NT5E: variants seen among roughly 807,000 people sequenced by gnomAD.
NT5E encodes 5'-nucleotidase ecto.
NT5E carries 53 observed loss-of-function variants against 55.1 expected under a neutral mutation model. The ratio of observed to expected loss-of-function variants is 0.96; its 90% CI spans 0.77 to 1.21. The LOEUF (loss-of-function observed/expected upper bound fraction) is 1.21, where lower values mean the gene tolerates loss of function less well. Among genes scored for constraint, NT5E ranks in the 50% most tolerant of loss-of-function variants. The probability of loss-of-function intolerance (pLI) is 0.00; values close to 1 mark genes in which losing one functional copy is unlikely to be tolerated. For missense variants in NT5E, 683 were observed against 724.3 expected (o/e 0.94, Z 0.65); for synonymous variants, 270 against 278.4 (o/e 0.97, Z 0.30).
intron 1 of NT5E, among the ~76,000 whole-genome samples, chr6:85,458,310 C>A (rs1769026433): frequency 6.6e-6 from 1 of 152,206 alleles, no homozygotes; most frequent in Non-Finnish European, 1.5e-5. Flanking sequence ...TGTGGATCCC[C>A]AACCTCAGAG....
At chr6:85,460,638 C>A (rs1349765453) in intron 1 of NT5E, among the ~76,000 whole-genome samples, 3 of 152,090 alleles carry the variant, frequency 2.0e-5, no homozygotes, top group Non-Finnish European at 2.9e-5. Flanking sequence ...CATGTGCCAA[C>A]TTCTATGTTT....
At chr6:85,484,573 G>C (rs1267155664) in intron 3 of NT5E, among the ~76,000 whole-genome samples, 1 of 152,136 alleles carries the variant, frequency 6.6e-6, no homozygotes, top group African/African-American at 2.4e-5. Context: ...GGTGAATGTG[G>C]CTCTTCTAAA....
chr6:85,473,505 T>C (rs1006996168), intron 3 of NT5E, among the ~76,000 whole-genome samples: 3 of 152,164 alleles, frequency 2.0e-5, no homozygotes, highest in African/African-American at 4.8e-5. Context: ...TCCTCCCCCT[T>C]CTTCCTTTAG....
At chr6:85,456,238 C>A (rs1768988827) in intron 1 of NT5E, among the ~76,000 whole-genome samples, 1 of 152,206 alleles carries the variant, frequency 6.6e-6, no homozygotes, top group African/African-American at 2.4e-5. Context: ...AAGCTTTGCC[C>A]ATCCACTCCC....
intron 3 of NT5E, among the ~76,000 whole-genome samples, chr6:85,480,335 T>C (rs942346836): frequency 6.6e-6 from 1 of 152,226 alleles, no homozygotes; most frequent in Non-Finnish European, 1.5e-5. Flanking sequence ...AATTGAAGCA[T>C]GTGCAGAGTG....
chr6:85,475,808 G>T (rs751556459), intron 3 of NT5E, among the ~76,000 whole-genome samples: 1 of 152,074 alleles, frequency 6.6e-6, no homozygotes, highest in Admixed American at 6.5e-5. Flanking sequence ...TTCTATAGCC[G>T]CAAGTTAAAG....
chr6:85,484,244 C>G (rs1253188449), intron 3 of NT5E, among the ~76,000 whole-genome samples: 1 of 152,158 alleles, frequency 6.6e-6, no homozygotes, highest in African/African-American at 2.4e-5. Context: ...ATGAATCTGT[C>G]CCATAGTCTC....
intron 2 of NT5E, among the ~76,000 whole-genome samples, chr6:85,467,939 T>C (rs1040555880): frequency 6.6e-5 from 10 of 151,884 alleles, no homozygotes; most frequent in Non-Finnish European, 1.3e-4. Context: ...CACACACATA[T>C]ATAATCTTAA....
chr6:85,464,980 T>G (rs2127756101), intron 1 of NT5E, among the ~76,000 whole-genome samples: 1 of 152,174 alleles, frequency 6.6e-6, no homozygotes, highest in East Asian at 1.9e-4. Flanking sequence ...TTTGAGACAT[T>G]GGGAGGAAAT....
chr6:85,490,444 T>G, intron 6 of NT5E, 64 bp from the exon 7 acceptor site: 1 of 1,588,286 alleles, frequency 6.3e-7, no homozygotes, highest in Non-Finnish European at 8.6e-7. Context: ...TGAGGGAAAC[T>G]GGTCATGGTG....
At position 85,494,062 on chromosome 6, in the gene NT5E, A is replaced by G; in HGVS notation, c.*58A>G. 6.4e-7 allele frequency: 1 copy of G among 1,571,882 alleles called. No individual in the cohort carries two copies. Among genetic ancestry groups the G allele is most frequent in the Non-Finnish European group, 8.7e-7 (1 of 1,144,974 alleles). Reference sequence around the variant, plus strand: ...CTGCATTTTTTCAAGTGAGATTCAAATCTGCCTTTTAGGACCTGGCTTTGT... The same window carrying G: ...CTGCATTTTTTCAAGTGAGATTCAAGTCTGCCTTTTAGGACCTGGCTTTGT... On this transcript the variant is annotated 3_prime_UTR_variant, in exon 9 of 9. Coordinates refer to ENST00000257770, the MANE Select transcript of NT5E (RefSeq NM_002526.4).
chr6:85,489,989 T>C (rs1218476738), intron 6 of NT5E, among the ~76,000 whole-genome samples: 1 of 152,220 alleles, frequency 6.6e-6, no homozygotes, highest in Non-Finnish European at 1.5e-5. Context: ...GACATACCAC[T>C]GGATTAAAAT....
intron 2 of NT5E, 83 bp downstream of exon 2, chr6:85,467,365 TA>T: frequency 8.7e-7 from 1 of 1,146,516 alleles, no homozygotes; most frequent in South Asian, 1.3e-5. Context: ...GGACTGTAGA[TA>T]AAAGTAGGAA....
intron 1 of NT5E, among the ~76,000 whole-genome samples, chr6:85,465,795 A>T (rs1769181192): frequency 6.6e-6 from 1 of 152,148 alleles, no homozygotes; most frequent in Non-Finnish European, 1.5e-5. Context: ...TAGTCAGGAG[A>T]CTGATATAAA....
At chr6:85,476,028 T>G (rs1365837654) in intron 3 of NT5E, among the ~76,000 whole-genome samples, 1 of 152,196 alleles carries the variant, frequency 6.6e-6, no homozygotes, top group Non-Finnish European at 1.5e-5. Context: ...GTCCCCTGTC[T>G]TATCACTCTC....
At chr6:85,490,294 C>T (rs931826202) in intron 6 of NT5E, among the ~76,000 whole-genome samples, 7 of 152,228 alleles carry the variant, frequency 4.6e-5, no homozygotes, top group African/African-American at 1.7e-4. Context: ...TTTGTGAGCT[C>T]CCGCCATCTT....
chr6:85,489,681 ACC>A lies in NT5E; in HGVS notation c.1210+84_1210+85del, dbSNP rs1377057339. 6.3e-6 allele frequency: 6 copies of A among 958,492 alleles called. No homozygotes were observed. The African/African-American group carries it at 9.8e-5, about 16-fold the overall frequency. 59.4% of individuals were successfully genotyped at this position (958,492 alleles called of 1,614,324 possible). A position where few individuals can be genotyped will look rare whatever the true frequency, so the allele number is the denominator to read the frequency against. On this transcript the variant is annotated intron_variant, in intron 6 of 8. Coordinates refer to ENST00000257770, the MANE Select transcript of NT5E (RefSeq NM_002526.4). ...CTGTTATGGTTCTTGCCCTGAACAC[ACC>A]CATGTGCAGCCTCAGTTCATCTCTG...
intron 1 of NT5E, among the ~76,000 whole-genome samples, chr6:85,453,282 G>A (rs1279295188): frequency 6.6e-6 from 1 of 152,200 alleles, no homozygotes; most frequent in Admixed American, 6.5e-5. Context: ...TAAAACAGGA[G>A]TGATAACCCC....
chr6:85,462,367 C>T (rs1016260769), intron 1 of NT5E, among the ~76,000 whole-genome samples: 3 of 152,162 alleles, frequency 2.0e-5, no homozygotes, highest in East Asian at 1.9e-4. Flanking sequence ...GATCTCCCAG[C>T]GATGCTCTTA....
Sources: gnomAD v4.1 joint callset for allele counts (sites outside exome capture counted in the v4.1 genomes callset) on GRCh38, gnomAD v4.1.1 for gene constraint, MANE v1.5 for transcripts, NCBI Gene and HGNC (gene_info 2026-07-23, HGNC 2026-07-21) for gene names.